Variants in RIMS2 observed in about 807,000 individuals in gnomAD.
The protein encoded by RIMS2 is regulating synaptic membrane exocytosis 2.
Under a neutral mutation model 174.4 loss-of-function variants are expected in RIMS2, and 59 were observed. The observed-to-expected ratio is 0.34, with a 90% confidence interval of 0.27 to 0.42. The LOEUF (loss-of-function observed/expected upper bound fraction) is 0.42. RIMS2 is among the 10% of genes least tolerant of loss of function. The pLI, the probability that RIMS2 is intolerant of heterozygous loss-of-function variation, is 1.00. For synonymous variants in RIMS2, 606 were observed against 572.5 expected (o/e 1.06, Z -0.84); for missense variants, 1,620 against 1,666.3 (o/e 0.97, Z 0.48).
At chr8:103,777,936 C>G (rs903080957) in intron 3 of RIMS2, among the ~76,000 whole-genome samples, 1 of 151,828 alleles carries the variant, frequency 6.6e-6, no homozygotes, top group Non-Finnish European at 1.5e-5. Context: ...TATAAACTGG[C>G]TACAAAGACA....
rs145968801 is a variant in RIMS2 at position 103,913,445 on chromosome 8, A to G, written c.1812+1273A>G. ...TGAGACTCTGTCTCTCTCTAAAAAAAGTAAATGTTTTAGAGCTAAGCCATT... is the reference window on the plus strand; with the variant it reads ...TGAGACTCTGTCTCTCTCTAAAAAAGGTAAATGTTTTAGAGCTAAGCCATT... On this transcript the variant is annotated intron_variant, in intron 6 of 23. Transcript: ENST00000504942. Among the ~76,000 whole-genome samples, 1,186 of 152,232 alleles carry G rather than the reference A, an allele frequency of 7.8e-3. 7 individuals carry two copies. The highest frequency in any genetic ancestry group is 0.024 in the Middle Eastern group (7 of 294).
chr8:104,238,244 A>T (rs907920909), intron 19 of RIMS2, among the ~76,000 whole-genome samples: 2 of 152,106 alleles, frequency 1.3e-5, no homozygotes, highest in African/African-American at 4.8e-5. Flanking sequence ...TGGGATTTGA[A>T]CAATGAGAAC....
chr8:103,998,351 T>C, intron 17 of RIMS2: 2 of 633,290 alleles, frequency 3.2e-6, no homozygotes, highest in Middle Eastern at 5.3e-4. Flanking sequence ...TATATACATA[T>C]ATGGTTGTTA....
rs567874926 is a variant in RIMS2, at chr8:104,044,419, G to A, written c.3334+29804G>A. On this transcript the variant is annotated intron_variant, in intron 19 of 23. Transcript: ENST00000504942. ...AATTCAGAGGTACAACTTAGAGGTT[G>A]AGCAAAGGAATCTTTATGATATGCA... 8.6e-5 allele frequency among the ~76,000 whole-genome samples: 13 copies of A among 151,428 alleles called. No individual in the cohort carries two copies. The East Asian group carries it at 2.5e-3, about 29-fold the overall frequency.
intron 19 of RIMS2, among the ~76,000 whole-genome samples, chr8:104,034,053 T>G (rs1430887772): frequency 1.3e-5 from 2 of 152,160 alleles, no homozygotes; most frequent in Non-Finnish European, 2.9e-5. Context: ...AAAGATTCCT[T>G]GTCAAAGGGT....
chr8:103,766,532 A>C (rs1335949600), exon 3 of RIMS2: 1 of 1,604,154 alleles, frequency 6.2e-7, no homozygotes. Context: ...ACATAGCTTC[A>C]GACAGGTAAA....
chr8:103,729,982 A>G (rs1162907622), intron 2 of RIMS2, among the ~76,000 whole-genome samples: 8 of 152,200 alleles, frequency 5.3e-5, no homozygotes, highest in African/African-American at 1.9e-4. Flanking sequence ...TATGCTTGAG[A>G]ATGATTCATG....
intron 19 of RIMS2, among the ~76,000 whole-genome samples, chr8:104,039,802 A>G (rs1415536571): frequency 6.6e-6 from 1 of 151,746 alleles, no homozygotes; most frequent in Admixed American, 6.6e-5. Context: ...GGAAACAAAA[A>G]TATAGCATGT....
At chr8:103,935,155 G>A (rs973108767) in intron 12 of RIMS2, among the ~76,000 whole-genome samples, 7 of 152,146 alleles carry the variant, frequency 4.6e-5, no homozygotes, top group Non-Finnish European at 2.9e-5. Flanking sequence ...AGCTATAAAC[G>A]AAAGGAGGGA....
At chr8:104,193,049 C>A (rs902363069) in intron 19 of RIMS2, among the ~76,000 whole-genome samples, 5 of 150,714 alleles carry the variant, frequency 3.3e-5, no homozygotes, top group Admixed American at 3.3e-4. Context: ...TTTTCTCCTC[C>A]CCTCTCTCTC....
chr8:103,918,544 C>T (rs761883366), intron 9 of RIMS2, 57 bp downstream of exon 12: 6 of 1,165,028 alleles, frequency 5.2e-6, no homozygotes, highest in Non-Finnish European at 7.8e-6. Context: ...CATCAGAGAT[C>T]AGATGAAGTA....
chr8:104,203,918 G>A (rs2099067676), intron 19 of RIMS2, among the ~76,000 whole-genome samples: 1 of 152,110 alleles, frequency 6.6e-6, no homozygotes, highest in African/African-American at 2.4e-5. Flanking sequence ...ATAAAGAATG[G>A]CTACAGCTAC....
At chr8:103,797,034 T>G (rs907987056) in intron 3 of RIMS2, among the ~76,000 whole-genome samples, 1 of 152,116 alleles carries the variant, frequency 6.6e-6, no homozygotes, top group Admixed American at 6.6e-5. Context: ...AGGGAAGGCA[T>G]TGCTTAAGAT....
At chr8:104,064,521 T>C (rs1220963225) in intron 19 of RIMS2, among the ~76,000 whole-genome samples, 1 of 152,086 alleles carries the variant, frequency 6.6e-6, no homozygotes, top group Admixed American at 6.6e-5. Flanking sequence ...GTTTAAAATG[T>C]CATTTAGTAG....
chr8:103,987,537 G>C (rs1261148692), intron 16 of RIMS2, among the ~76,000 whole-genome samples: 2 of 152,070 alleles, frequency 1.3e-5, no homozygotes, highest in Non-Finnish European at 2.9e-5. Context: ...ATACTTAATG[G>C]AAAAACTTTA....
chr8:103,980,829 G>A (rs2154549175), intron 16 of RIMS2, among the ~76,000 whole-genome samples: 1 of 152,274 alleles, frequency 6.6e-6, no homozygotes, highest in Non-Finnish European at 1.5e-5. Flanking sequence ...CCCACAGGGA[G>A]AGGCTCTTCT....
intron 19 of RIMS2, among the ~76,000 whole-genome samples, chr8:104,240,883 G>A (rs569276328): frequency 1.8e-4 from 27 of 152,226 alleles, no homozygotes; most frequent in African/African-American, 6.0e-4. Flanking sequence ...ACTATCCTAA[G>A]TGCTTTAAAT....
chr8:104,008,708 G>A (rs552572420), intron 17 of RIMS2, among the ~76,000 whole-genome samples: 6 of 151,702 alleles, frequency 4.0e-5, no homozygotes, highest in Non-Finnish European at 8.8e-5. Context: ...TTTTCTACGT[G>A]AATGGTGTCT....
chr8:103,800,332 T>A (rs186767830), intron 3 of RIMS2, among the ~76,000 whole-genome samples: 19 of 152,346 alleles, frequency 1.2e-4, no homozygotes, highest in East Asian at 9.6e-4. Context: ...TTCATTTTTT[T>A]ATCCTATTTT....
Sources: gnomAD v4.1 joint callset for allele counts (sites outside exome capture counted in the v4.1 genomes callset) on GRCh38, gnomAD v4.1.1 for gene constraint, MANE v1.5 for transcripts, NCBI Gene and HGNC (gene_info 2026-07-23, HGNC 2026-07-21) for gene names.